The following IL1R2 variants were observed in gnomAD, a reference collection of about 807,000 sequenced individuals.
IL1R2 encodes the protein interleukin-1 receptor type 2.
In IL1R2, 46 loss-of-function variants were observed where a neutral mutation model predicts 39.5. The observed-to-expected ratio is 1.16, with a 90% CI of 0.92 to 1.49. IL1R2 has a LOEUF of 1.49. IL1R2 is among the 40% of genes most tolerant of loss of function. The pLI is 0.00. For missense variants in IL1R2, 537 were observed against 502.0 expected (o/e 1.07, Z -0.67); for synonymous variants, 207 against 189.6 (o/e 1.09, Z -0.75).
At chr2:102,003,442 CTGGCTG>C (rs1482150438) in intron 1 of IL1R2, among the ~76,000 whole-genome samples, 2 of 138,626 alleles carry the variant, frequency 1.4e-5, no homozygotes, top group Admixed American at 7.1e-5. Flanking sequence ...GTGTCTGTGT[CTGGCTG>C]TGGCTGTGGC....
chr2:102,021,952 CG>C, intron 5 of IL1R2: 1 of 511,764 alleles, frequency 2.0e-6, no homozygotes, highest in Non-Finnish European at 3.6e-6. Context: ...CTCCTGTCAG[CG>C]GAATGTGTGT....
chr2:102,000,533 G>A (rs7570441), intron 1 of IL1R2, among the ~76,000 whole-genome samples: 66,666 of 152,080 alleles, frequency 0.44, 14,765 homozygotes, highest in African/African-American at 0.47. Flanking sequence ...ATCCAAAATG[G>A]CAGACATTTC....
At position 102,016,104 on chromosome 2, in the gene IL1R2, G is replaced by A. The variant is rs1471961852; in HGVS notation, c.513+53G>A. The A allele has an allele frequency of 3.5e-6, 5 of 1,413,736 alleles. No individual in the cohort carries two copies. In the Admixed American group the frequency reaches 9.2e-5, roughly 26 times the overall value. The allele number at this position is 1,413,736 out of a possible 1,614,324, so 87.6% of individuals were successfully genotyped here. On this transcript the variant is annotated intron_variant, in intron 4 of 8. Transcript: ENST00000332549. Reference sequence around the variant, plus strand: ...TAAAATGTGTTTTCTTTTTTTACTAGCCATAAAAGAAAGACTTAAAATATC... The same window carrying A: ...TAAAATGTGTTTTCTTTTTTTACTAACCATAAAAGAAAGACTTAAAATATC...
At chr2:102,022,759 G>A (rs1328124271) in intron 6 of IL1R2, among the ~76,000 whole-genome samples, 1 of 152,228 alleles carries the variant, frequency 6.6e-6, no homozygotes, top group Non-Finnish European at 1.5e-5. Flanking sequence ...GGGGCTTTCT[G>A]CTTTTCACTC....
At chr2:102,005,537 C>T (rs1213052548) in intron 1 of IL1R2, among the ~76,000 whole-genome samples, 1 of 152,200 alleles carries the variant, frequency 6.6e-6, no homozygotes, top group African/African-American at 2.4e-5. Context: ...ACTCAGGTTC[C>T]CCTCTTACTG....
intron 1 of IL1R2, among the ~76,000 whole-genome samples, chr2:101,999,836 G>A (rs973137670): frequency 6.6e-6 from 1 of 152,132 alleles, no homozygotes; most frequent in Admixed American, 6.6e-5. Flanking sequence ...GCATCTGTAT[G>A]TATTTAGAAT....
rs867032240 is a variant in IL1R2 at position 101,994,643 on chromosome 2, C to T, written c.-62+2632C>T. Among the ~76,000 whole-genome samples, 14 of 152,176 alleles carry T rather than the reference C, an allele frequency of 9.2e-5. No homozygotes were observed. In the South Asian group the frequency reaches 1.2e-3, roughly 13 times the overall value. ...CTTTGAGAACCCTTTCCTTAGGAGA[C>T]GTGTCCAGGGCCAAGCCTGTGGGGG... On this transcript the variant is annotated intron_variant, in intron 1 of 8. Transcript: ENST00000332549.
intron 3 of IL1R2, among the ~76,000 whole-genome samples, chr2:102,013,635 G>A (rs541287727): frequency 2.8e-5 from 4 of 143,102 alleles, no homozygotes; most frequent in African/African-American, 1.0e-4. Flanking sequence ...TTATGCTGCT[G>A]TAACAAATAG....
Position 102,028,346 on chromosome 2 carries a change from C to T in IL1R2, c.1151C>T (p.Thr384Ile), listed in dbSNP as rs754277552. 6.2e-7 allele frequency: 1 copy of T among 1,610,298 alleles called. No individual in the cohort carries two copies. ...KHRTGKADGL[T>I]VLWPHHQDFQ... is the part of the protein sequence containing the mutation. ...AGAACTGGAAAAGCAGATGGTCTGA[C>T]TGTGCTATGGCCTCATCATCAAGAC... The change falls in exon 9 of 9, where the codon ACT (threonine) becomes ATT (isoleucine). Residue 384 changes from threonine (T) to isoleucine (I), a missense_variant. Physicochemically the swap from Thr to Ile is moderately conservative, Grantham distance 89 (BLOSUM62 -1). Transcript: ENST00000332549.
chr2:101,996,249 G>A (rs1675579740), intron 1 of IL1R2, among the ~76,000 whole-genome samples: 1 of 152,158 alleles, frequency 6.6e-6, no homozygotes, highest in Non-Finnish European at 1.5e-5. Flanking sequence ...CGCCACCAAG[G>A]AGCGAGCTGG....
chr2:102,013,524 C>CAAAAAAAAAAAAA (rs771727938), intron 3 of IL1R2, among the ~76,000 whole-genome samples: 1 of 5,692 alleles, frequency 1.8e-4, no homozygotes, highest in Non-Finnish European at 3.0e-4. Flanking sequence ...TCTATCACTG[C>CAAAAAAAAAAAAA]AAAAAAAAAA....
intron 3 of IL1R2, among the ~76,000 whole-genome samples, chr2:102,013,567 GAAAAGAAGGAAAAGAAAAA>G (rs1676793248): frequency 6.6e-5 from 2 of 30,080 alleles, no homozygotes; most frequent in South Asian, 1.1e-3. Context: ...AGAAAGAAAA[GAAAAGAAGGAAAAGAAAAA>G]GAAAAAAAAA....
intron 5 of IL1R2, among the ~76,000 whole-genome samples, chr2:102,021,305 C>CTTTTTTTTTTTTTTTTTTTTTTTTTT (rs546019141): frequency 8.1e-6 from 1 of 122,856 alleles, no homozygotes; most frequent in African/African-American, 3.1e-5. Context: ...CTTTTCTTTT[C>CTTTTTTTTTTTTTTTTTTTTTTTTTT]TTTTTTTTTT....
chr2:102,005,439 G>A (rs1261595022), intron 1 of IL1R2, among the ~76,000 whole-genome samples: 1 of 152,166 alleles, frequency 6.6e-6, no homozygotes, highest in Admixed American at 6.5e-5. Flanking sequence ...CAATATATTG[G>A]GAATAGGCTT....
intron 1 of IL1R2, among the ~76,000 whole-genome samples, chr2:101,992,620 G>A (rs1441052042): frequency 6.6e-6 from 1 of 150,846 alleles, no homozygotes; most frequent in Non-Finnish European, 1.5e-5. Flanking sequence ...GACAGAGAGA[G>A]GCAGAGAGAC....
chr2:102,022,132 C>T (rs996159387), intron 5 of IL1R2, 55 bp from the exon 6 acceptor site: 3 of 1,411,578 alleles, frequency 2.1e-6, no homozygotes, highest in Admixed American at 3.4e-5. Flanking sequence ...ACTTGAACCA[C>T]AGCGTCAAAT....
chr2:102,016,115 AAG>A, intron 4 of IL1R2, 64 bp downstream of exon 4: 2 of 1,306,586 alleles, frequency 1.5e-6, no homozygotes, highest in Non-Finnish European at 2.2e-6. Context: ...CCATAAAAGA[AAG>A]ACTTAAAATA....
chr2:102,012,626 G>A (rs1676714607), intron 3 of IL1R2, among the ~76,000 whole-genome samples: 1 of 152,008 alleles, frequency 6.6e-6, no homozygotes, highest in Non-Finnish European at 1.5e-5. Context: ...CCATCCATAT[G>A]TCTAGCCCCA....
At chr2:101,993,086 T>A (rs972635863) in intron 1 of IL1R2, among the ~76,000 whole-genome samples, 35 of 151,458 alleles carry the variant, frequency 2.3e-4, no homozygotes, top group African/African-American at 8.2e-4. Context: ...AGGCTGCACG[T>A]GGGATGTGCA....
Sources: allele counts gnomAD v4.1 joint callset (sites outside exome capture counted in the v4.1 genomes callset), GRCh38; gene constraint gnomAD v4.1.1; transcripts MANE v1.5; gene names NCBI Gene and HGNC (gene_info 2026-07-23, HGNC 2026-07-21).